TEX26: variants seen among roughly 807,000 people sequenced by gnomAD.
TEX26 encodes testis-expressed protein 26.
In TEX26, 34 loss-of-function variants were observed where a neutral mutation model predicts 35.3. The ratio of observed to expected loss-of-function variants is 0.96; its 90% CI spans 0.73 to 1.28. TEX26 has a LOEUF of 1.28. Among genes scored for constraint, TEX26 ranks in the 50% most tolerant of loss-of-function variants. The pLI is 0.00. For missense variants in TEX26, 371 were observed against 330.1 expected (o/e 1.12, Z -0.96); for synonymous variants, 136 against 111.8 (o/e 1.22, Z -1.36).
chr13:30,942,612 T>C (rs1010282942), intron 2 of TEX26, among the ~76,000 whole-genome samples: 3 of 152,144 alleles, frequency 2.0e-5, no homozygotes, highest in Non-Finnish European at 4.4e-5. Flanking sequence ...GAAGAGTTTT[T>C]CCTAAGTTAT....
Position 30,966,260 on chromosome 13 carries a change from T to A in TEX26, c.508T>A (p.Trp170Arg). The A allele has an allele frequency of 6.2e-7, 1 of 1,614,032 alleles. No homozygotes were observed. Among genetic ancestry groups the A allele is most frequent in the African/African-American group, 1.3e-5 (1 of 75,006 alleles). The change falls in exon 5 of 7, where the codon TGG becomes AGG. Residue 170 changes from tryptophan to arginine, a missense_variant. By Grantham distance (101) the Trp-to-Arg change is moderately radical (BLOSUM62 -3). Transcript: ENST00000380473. ...IKKSSHLSLE[W>R]KKLLPQPPDT... Reference sequence around the variant, plus strand: ...GAAAAGTTCTCACTTGTCTCTGGAATGGAAAAAGTTACTTCCCCAACCTCC... The same window carrying A: ...GAAAAGTTCTCACTTGTCTCTGGAAAGGAAAAAGTTACTTCCCCAACCTCC...
intron 2 of TEX26, among the ~76,000 whole-genome samples, chr13:30,941,307 C>T (rs550995047): frequency 1.3e-5 from 2 of 152,182 alleles, no homozygotes; most frequent in African/African-American, 2.4e-5. Flanking sequence ...CCAGTGAGTC[C>T]GTAACTGGGA....
Position 30,975,096 on chromosome 13 carries a change from C to T in TEX26, c.*189C>T, listed in dbSNP as rs1194033274. 4 of 453,966 alleles carry T rather than the reference C, an allele frequency of 8.8e-6. No homozygotes were observed. The highest frequency in any genetic ancestry group is 6.2e-5 in the African/African-American group (3 of 48,592). The allele number at this position is 453,966 out of a possible 1,614,324, so 28.1% of individuals were successfully genotyped here. Reference sequence around the variant, plus strand: ...ATAAAATTAAGGCTACAAAATTTTCCCTGAACATAGCTTTAGCTGTATCCA... The same window carrying T: ...ATAAAATTAAGGCTACAAAATTTTCTCTGAACATAGCTTTAGCTGTATCCA... On this transcript the variant is annotated 3_prime_UTR_variant, in exon 7 of 7. Coordinates refer to ENST00000380473, the MANE Select transcript of TEX26 (RefSeq NM_152325.3).
intron 2 of TEX26, among the ~76,000 whole-genome samples, chr13:30,950,548 T>C (rs986956230): frequency 3.3e-5 from 5 of 152,188 alleles, no homozygotes; most frequent in African/African-American, 1.2e-4. Flanking sequence ...ACTTTAAGCA[T>C]TCTACATCCT....
chr13:30,945,390 AT>A (rs954496989), intron 2 of TEX26, among the ~76,000 whole-genome samples: 9 of 150,464 alleles, frequency 6.0e-5, no homozygotes, highest in African/African-American at 1.5e-4. Context: ...TGGTTTGTGG[AT>A]TTTTTTTTAA....
Position 30,974,725 on chromosome 13 carries a change from C to T in TEX26, c.809-121C>T, listed in dbSNP as rs1208692933. On this transcript the variant is annotated intron_variant, in intron 6 of 6. Coordinates refer to ENST00000380473, the MANE Select transcript of TEX26 (RefSeq NM_152325.3). ...TATAATAGCCTGCTATTATTTTGGT[C>T]TTACCAAATTTGTGTATTTAGTAAT... The T allele has an allele frequency of 4.5e-5, 44 of 968,870 alleles. 1 individual carries two copies. The South Asian group carries it at 6.8e-4, about 15-fold the overall frequency. The allele number at this position is 968,870 out of a possible 1,614,324, so 60.0% of individuals were successfully genotyped here.
chr13:30,967,684 G>C (rs890935467), intron 5 of TEX26, among the ~76,000 whole-genome samples: 1 of 152,192 alleles, frequency 6.6e-6, no homozygotes, highest in Non-Finnish European at 1.5e-5. Context: ...GAGCTGGAAG[G>C]TGTTCTTAAG....
chr13:30,962,687 G>C (rs988695831), intron 4 of TEX26, among the ~76,000 whole-genome samples: 1 of 152,236 alleles, frequency 6.6e-6, no homozygotes, highest in Admixed American at 6.5e-5. Context: ...GAGGAGCACT[G>C]AAATGTGCTG....
chr13:30,938,487 A>G (rs994183500), intron 1 of TEX26, among the ~76,000 whole-genome samples: 2 of 152,178 alleles, frequency 1.3e-5, no homozygotes, highest in African/African-American at 4.8e-5. Flanking sequence ...GCATGGTGAT[A>G]GGGCAAGAAT....
At chr13:30,972,795 C>T (rs1435257351) in intron 6 of TEX26, among the ~76,000 whole-genome samples, 1 of 152,202 alleles carries the variant, frequency 6.6e-6, no homozygotes, top group East Asian at 1.9e-4. Flanking sequence ...CCACCACGCC[C>T]AGCTAATTTT....
chr13:30,972,092 G>A (rs1954730978), intron 6 of TEX26, among the ~76,000 whole-genome samples: 1 of 152,186 alleles, frequency 6.6e-6, no homozygotes, highest in Admixed American at 6.5e-5. Flanking sequence ...CACCAGTTCT[G>A]TAATCAAAGT....
chr13:30,974,820 A>G (rs1402838029), intron 6 of TEX26, 26 bp from the exon 7 acceptor site: 2 of 1,539,308 alleles, frequency 1.3e-6, no homozygotes, highest in Non-Finnish European at 1.7e-6. Context: ...GAAAATTTTC[A>G]TCCTGTTTTT....
chr13:30,965,262 C>T (rs776994266), intron 4 of TEX26, among the ~76,000 whole-genome samples: 38 of 152,186 alleles, frequency 2.5e-4, no homozygotes, highest in Non-Finnish European at 4.6e-4. Flanking sequence ...AAAATGCTCT[C>T]AGGTGCCAGT....
intron 2 of TEX26, among the ~76,000 whole-genome samples, chr13:30,950,958 G>A (rs558088193): frequency 6.6e-6 from 1 of 152,206 alleles, no homozygotes; most frequent in Non-Finnish European, 1.5e-5. Flanking sequence ...ACATTTGCAG[G>A]TTTGTTCTCA....
intron 1 of TEX26, among the ~76,000 whole-genome samples, chr13:30,934,821 C>T (rs928231036): frequency 1.3e-5 from 2 of 152,168 alleles, no homozygotes; most frequent in African/African-American, 4.8e-5. Context: ...CAGTCCTGGG[C>T]GAGGCTACAG....
intron 5 of TEX26, among the ~76,000 whole-genome samples, chr13:30,966,697 C>T (rs923599983): frequency 2.0e-5 from 3 of 152,120 alleles, no homozygotes; most frequent in Non-Finnish European, 4.4e-5. Context: ...CCTCGGCCTC[C>T]CAAAGTGCTA....
At chr13:30,973,851 A>G (rs1954789785) in intron 6 of TEX26, among the ~76,000 whole-genome samples, 2 of 152,096 alleles carry the variant, frequency 1.3e-5, no homozygotes, top group Admixed American at 1.3e-4. Flanking sequence ...GTACTATTAA[A>G]GATATACATG....
intron 4 of TEX26, among the ~76,000 whole-genome samples, chr13:30,963,926 G>A (rs1316658395): frequency 1.3e-5 from 2 of 152,010 alleles, no homozygotes; most frequent in Non-Finnish European, 2.9e-5. Flanking sequence ...CATGTGGAAC[G>A]GACGTTCCAG....
intron 2 of TEX26, among the ~76,000 whole-genome samples, chr13:30,949,237 A>G (rs558802428): frequency 6.6e-6 from 1 of 152,260 alleles, no homozygotes; most frequent in Non-Finnish European, 1.5e-5. Context: ...TTCATATGGA[A>G]CCAAAAAAGA....
Sources: gnomAD v4.1 joint callset for allele counts (sites outside exome capture counted in the v4.1 genomes callset) on GRCh38, gnomAD v4.1.1 for gene constraint, MANE v1.5 for transcripts, NCBI Gene and HGNC (gene_info 2026-07-23, HGNC 2026-07-21) for gene names.